The following SAMTOR variants were observed in gnomAD, a reference collection of about 807,000 sequenced individuals.
SAMTOR encodes S-adenosylmethionine sensor upstream of mTORC1.
At chr7:112,918,134 A>G in the SAMTOR span, among the ~76,000 whole-genome samples, 1 of 152,188 alleles carries the variant, frequency 6.6e-6, no homozygotes, top group Non-Finnish European at 1.5e-5. Flanking sequence ...CAACTCCAAG[A>G]CACATAGTTG....
chr7:112,894,931 C>T, the SAMTOR span, among the ~76,000 whole-genome samples: 2 of 152,070 alleles, frequency 1.3e-5, no homozygotes, highest in Admixed American at 1.3e-4. Flanking sequence ...AAAGCAAGCG[C>T]AATAAATAAG....
the SAMTOR span, chr7:112,822,310 C>T: frequency 1.2e-6 from 2 of 1,613,326 alleles, no homozygotes; most frequent in Admixed American, 1.7e-5. Context: ...GCATCTATAG[C>T]ATCCTGTGCA....
At chr7:112,876,418 C>A in the SAMTOR span, among the ~76,000 whole-genome samples, 2 of 152,144 alleles carry the variant, frequency 1.3e-5, no homozygotes, top group Non-Finnish European at 2.9e-5. Flanking sequence ...CTTCCCATTC[C>A]TTAACTCTTT....
the SAMTOR span, among the ~76,000 whole-genome samples, chr7:112,834,042 T>C: frequency 1.2e-4 from 19 of 152,236 alleles, no homozygotes; most frequent in African/African-American, 4.6e-4. Flanking sequence ...GTCTACAGTT[T>C]AGTTTTACAC....
chr7:112,821,277 AAAAAAG>A, the SAMTOR span: 4 of 152,646 alleles, frequency 2.6e-5, no homozygotes, highest in East Asian at 3.8e-4. Flanking sequence ...TTTTAGTTAG[AAAAAAG>A]AAAAAGATAA....
At chr7:112,934,496 T>C in the SAMTOR span, among the ~76,000 whole-genome samples, 1 of 152,250 alleles carries the variant, frequency 6.6e-6, no homozygotes, top group Non-Finnish European at 1.5e-5. Context: ...TGACCCTTCT[T>C]TATTTTCACT....
At chr7:112,836,988 T>C in the SAMTOR span, among the ~76,000 whole-genome samples, 1 of 152,136 alleles carries the variant, frequency 6.6e-6, no homozygotes, top group Non-Finnish European at 1.5e-5. Context: ...AGAATGTCAT[T>C]GGTAGTTTGA....
At chr7:112,886,142 AC>A in the SAMTOR span, among the ~76,000 whole-genome samples, 3 of 151,918 alleles carry the variant, frequency 2.0e-5, no homozygotes, top group East Asian at 5.8e-4. Flanking sequence ...GGGGGTAACC[AC>A]CCCCATGATT....
chr7:112,906,869 C>T, the SAMTOR span, among the ~76,000 whole-genome samples: 3 of 151,966 alleles, frequency 2.0e-5, no homozygotes, highest in East Asian at 1.9e-4. Flanking sequence ...CATGCCCGGC[C>T]GACGTATCTT....
chr7:112,920,294 T>C, the SAMTOR span, among the ~76,000 whole-genome samples: 1 of 152,142 alleles, frequency 6.6e-6, no homozygotes, highest in African/African-American at 2.4e-5. Flanking sequence ...GCTGGTTCAA[T>C]ACACGCAAAT....
At chr7:112,863,629 C>T in the SAMTOR span, among the ~76,000 whole-genome samples, 2 of 152,246 alleles carry the variant, frequency 1.3e-5, no homozygotes, top group African/African-American at 2.4e-5. Context: ...AGGACATGAA[C>T]ACTTTTCTAA....
the SAMTOR span, chr7:112,821,275 A>G: frequency 6.6e-6 from 1 of 152,642 alleles, no homozygotes; most frequent in Non-Finnish European, 1.5e-5. Flanking sequence ...AATTTTAGTT[A>G]GAAAAAAGAA....
chr7:112,905,509 A>C, the SAMTOR span, among the ~76,000 whole-genome samples: 1 of 152,230 alleles, frequency 6.6e-6, no homozygotes, highest in Non-Finnish European at 1.5e-5. Flanking sequence ...TACAAAAATA[A>C]AGGCCAATAT....
At chr7:112,926,302 T>G in the SAMTOR span, among the ~76,000 whole-genome samples, 3 of 152,170 alleles carry the variant, frequency 2.0e-5, no homozygotes, top group Non-Finnish European at 4.4e-5. Context: ...ACTATATACT[T>G]TGAAACTCAA....
chr7:112,831,337 T>C, the SAMTOR span, among the ~76,000 whole-genome samples: 74 of 152,276 alleles, frequency 4.9e-4, no homozygotes, highest in African/African-American at 1.7e-3. Flanking sequence ...ACACAAACTC[T>C]TGGCATCACA....
chr7:112,834,023 C>T, the SAMTOR span, among the ~76,000 whole-genome samples: 6 of 152,112 alleles, frequency 3.9e-5, no homozygotes, highest in African/African-American at 9.7e-5. Flanking sequence ...TAAGTACCTA[C>T]GACTGAATGT....
the SAMTOR span, among the ~76,000 whole-genome samples, chr7:112,875,828 T>C: frequency 1.3e-5 from 2 of 152,202 alleles, no homozygotes; most frequent in East Asian, 1.9e-4. Context: ...GGCTTCATCA[T>C]TGTTATACGT....
the SAMTOR span, among the ~76,000 whole-genome samples, chr7:112,912,575 T>C: frequency 1.3e-5 from 2 of 152,200 alleles, no homozygotes; most frequent in Admixed American, 6.5e-5. Context: ...CATAATTATA[T>C]ATAACTCAAG....
the SAMTOR span, among the ~76,000 whole-genome samples, chr7:112,854,268 T>C: frequency 4.0e-4 from 61 of 152,132 alleles, no homozygotes; most frequent in Admixed American, 3.8e-3. Context: ...ATCCCTGAAA[T>C]ACTGACTGGT....
Sources: gnomAD v4.1 joint callset for allele counts (sites outside exome capture counted in the v4.1 genomes callset) on GRCh38, gnomAD v4.1.1 for gene constraint, MANE v1.5 for transcripts, NCBI Gene and HGNC (gene_info 2026-07-23, HGNC 2026-07-21) for gene names.